Variants in ARL15 observed in about 807,000 individuals in gnomAD.
ARL15 encodes ADP-ribosylation factor-like protein 15.
A neutral mutation model predicts 25.2 loss-of-function variants in ARL15; 19 were observed. The ratio of observed to expected loss-of-function variants is 0.75; its 90% CI spans 0.53 to 1.10. The LOEUF is 1.10. Ranked by LOEUF, ARL15 falls within the 50% of genes least tolerant of loss-of-function variation. ARL15 has a pLI of 0.00. For missense variants in ARL15, 220 were observed against 246.0 expected (o/e 0.89, Z 0.71); for synonymous variants, 94 against 86.8 (o/e 1.08, Z -0.46).
chr5:54,154,278 T>A, intron 3 of ARL15: 1 of 232,732 alleles, frequency 4.3e-6, no homozygotes, highest in East Asian at 9.6e-5. Context: ...ATTAAAATTC[T>A]CTTCATATGT....
chr5:54,308,181 T>C (rs959691745), intron 1 of ARL15, among the ~76,000 whole-genome samples: 2 of 152,218 alleles, frequency 1.3e-5, no homozygotes, highest in Non-Finnish European at 2.9e-5. Flanking sequence ...TCGGGAGGGC[T>C]AGTTTTTTGT....
chr5:53,963,345 C>G (rs1443563377), intron 4 of ARL15, among the ~76,000 whole-genome samples: 3 of 152,174 alleles, frequency 2.0e-5, no homozygotes, highest in Non-Finnish European at 2.9e-5. Context: ...TTAAGTTAGT[C>G]TGCTTTGGGT....
intron 4 of ARL15, among the ~76,000 whole-genome samples, chr5:54,013,040 T>A (rs964558485): frequency 6.6e-6 from 1 of 152,024 alleles, no homozygotes; most frequent in Non-Finnish European, 1.5e-5. Flanking sequence ...CCTCAGGTGA[T>A]CCACCCACCT....
chr5:54,191,498 A>T (rs532066333), intron 1 of ARL15, among the ~76,000 whole-genome samples: 34 of 144,904 alleles, frequency 2.3e-4, no homozygotes, highest in African/African-American at 6.8e-4. Context: ...ATAAAAAAAA[A>T]TTTTGAAAAA....
chr5:54,248,075 G>C (rs3857282), intron 1 of ARL15, among the ~76,000 whole-genome samples: 94,152 of 151,872 alleles, frequency 0.62, 29,989 homozygotes, highest in Non-Finnish European at 0.7. Flanking sequence ...GTAAAGACCA[G>C]ATTCTTAATA....
chr5:54,121,086 A>G (rs928403180), intron 3 of ARL15, among the ~76,000 whole-genome samples: 6 of 152,196 alleles, frequency 3.9e-5, no homozygotes, highest in Admixed American at 6.5e-5. Flanking sequence ...TTAGAGTCAC[A>G]TACTATAAGC....
intron 2 of ARL15, among the ~76,000 whole-genome samples, chr5:54,157,557 A>G (rs277331): frequency 0.84 from 127,961 of 151,894 alleles, 54,033 homozygotes; most frequent in East Asian, 0.98. Context: ...GACTACAGGC[A>G]CCCACCACCA....
rs1171369744 is a variant in ARL15, at chr5:54,114,406, G to GAAAAAAAAA, written c.254-1005_254-997dup. Among the ~76,000 whole-genome samples, 23 of 74,470 alleles carry GAAAAAAAAA rather than the reference G, an allele frequency of 3.1e-4. 4 individuals are homozygous for GAAAAAAAAA. The highest frequency in any genetic ancestry group is 9.0e-4 in the Admixed American group (4 of 4,456). The allele number at this position is 74,470 out of a possible 152,430, so 48.9% of individuals were successfully genotyped here. On this transcript the variant is annotated intron_variant, in intron 3 of 4. Coordinates refer to ENST00000504924, the MANE Select transcript of ARL15 (RefSeq NM_019087.3). ...GCAACACAGCAAGGCTCCATCTCAA[G>GAAAAAAAAA]AAAAAAAAAAAAAAAAGCAACACCA...
At chr5:53,960,014 TTAA>T (rs1173688046) in intron 4 of ARL15, among the ~76,000 whole-genome samples, 1 of 152,048 alleles carries the variant, frequency 6.6e-6, no homozygotes, top group East Asian at 1.9e-4. Context: ...GTCGAAAGAA[TTAA>T]TGAGTGGAGA....
At chr5:54,198,379 T>C (rs542472953) in intron 1 of ARL15, among the ~76,000 whole-genome samples, 34 of 152,280 alleles carry the variant, frequency 2.2e-4, no homozygotes, top group African/African-American at 7.2e-4. Flanking sequence ...GACGACACAA[T>C]TGGATATCTA....
chr5:54,296,117 C>T (rs189748903), intron 1 of ARL15, among the ~76,000 whole-genome samples: 152 of 152,320 alleles, frequency 1.0e-3, no homozygotes, highest in African/African-American at 3.5e-3. Flanking sequence ...AAATAGCTGC[C>T]ACTTAAAACA....
At chr5:54,109,041 C>A (rs1028621734) in intron 4 of ARL15, among the ~76,000 whole-genome samples, 1 of 151,990 alleles carries the variant, frequency 6.6e-6, no homozygotes, top group Admixed American at 6.6e-5. Context: ...GCATTTATAT[C>A]TTGTTTTTCA....
intron 4 of ARL15, among the ~76,000 whole-genome samples, chr5:54,072,223 G>T (rs528380495): frequency 9.2e-5 from 14 of 152,248 alleles, no homozygotes; most frequent in African/African-American, 3.4e-4. Context: ...TAACAAAACA[G>T]TTCCCCATCA....
rs559826172 is a variant in ARL15, at chr5:54,130,591, C to T, written c.254-17181G>A. On this transcript the variant is annotated intron_variant, in intron 3 of 4. Transcript: ENST00000504924. The stretch of plus-strand genomic sequence containing the variant: ...ATATATTATTAACTTATTAGGAGAT[C>T]ATAGGCTATCGTGAGAAAACTTCAT... Among the ~76,000 whole-genome samples the T allele has an allele frequency of 2.0e-5, 3 of 152,280 alleles. 1 individual carries two copies. In the South Asian group the frequency reaches 6.2e-4, roughly 32 times the overall value.
intron 1 of ARL15, among the ~76,000 whole-genome samples, chr5:54,195,634 G>A (rs1316253154): frequency 1.3e-5 from 2 of 151,872 alleles, no homozygotes; most frequent in African/African-American, 4.8e-5. Flanking sequence ...ATGTGTAAAG[G>A]AAAAAAGAAA....
chr5:54,059,342 C>A (rs936491089), intron 4 of ARL15, among the ~76,000 whole-genome samples: 5 of 152,186 alleles, frequency 3.3e-5, no homozygotes, highest in Admixed American at 2.0e-4. Flanking sequence ...AGTGAGACGA[C>A]CTTGAGAATA....
intron 4 of ARL15, among the ~76,000 whole-genome samples, chr5:54,009,509 G>A (rs959506090): frequency 6.6e-6 from 1 of 152,084 alleles, no homozygotes; most frequent in African/African-American, 2.4e-5. Flanking sequence ...TGCTAGGTAG[G>A]TAACTGTTTC....
At chr5:53,961,753 T>C (rs1293659701) in intron 4 of ARL15, among the ~76,000 whole-genome samples, 4 of 152,170 alleles carry the variant, frequency 2.6e-5, no homozygotes, top group Admixed American at 2.6e-4. Flanking sequence ...TTTCTGTGTT[T>C]CCTTCCAGAA....
intron 4 of ARL15, among the ~76,000 whole-genome samples, chr5:54,081,195 C>T (rs761918781): frequency 2.0e-5 from 3 of 152,020 alleles, no homozygotes; most frequent in Non-Finnish European, 4.4e-5. Flanking sequence ...TGAAAGTATG[C>T]GTTATATAAA....
Sources: gnomAD v4.1 joint callset for allele counts (sites outside exome capture counted in the v4.1 genomes callset) on GRCh38, gnomAD v4.1.1 for gene constraint, MANE v1.5 for transcripts, NCBI Gene and HGNC (gene_info 2026-07-23, HGNC 2026-07-21) for gene names.